The following ACBD4 variants were observed in gnomAD, a reference collection of about 807,000 sequenced individuals.
ACBD4 encodes the protein acyl-CoA binding domain containing 4.
A neutral mutation model predicts 46.0 loss-of-function variants in ACBD4; 41 were observed. That is an observed-to-expected ratio of 0.89 (90% confidence interval 0.69 to 1.16). ACBD4 has a LOEUF of 1.16. ACBD4 is among the 50% of genes most tolerant of loss of function. The probability of loss-of-function intolerance (pLI) is 0.00; values close to 1 mark genes in which losing one functional copy is unlikely to be tolerated. For synonymous variants in ACBD4, 162 were observed against 155.9 expected (o/e 1.04, Z -0.29); for missense variants, 393 against 399.5 (o/e 0.98, Z 0.14).
At position 45,139,084 on chromosome 17, in the gene ACBD4, G is replaced by A. The variant is rs2055090438; in HGVS notation, c.713G>A (p.Arg238Gln). The A allele has an allele frequency of 1.2e-5, 19 of 1,613,754 alleles. No homozygotes were observed. Among genetic ancestry groups the A allele is most frequent in the East Asian group, 4.5e-5 (2 of 44,894 alleles). ...ELDVWLLGTV[R>Q]ALQESMQEVQ... ...GACGTGTGGCTGCTGGGGACAGTTC[G>A]AGCACTACAGGAGAGCATGCAGGAG... Residue 238 changes from arginine to glutamine, a missense_variant, in exon 9 of 10, where the codon CGA becomes CAA. Arg to Gln is a conservative substitution (Grantham distance 43, BLOSUM62 1). Around this residue, in one of 3 missense-constraint regions of ACBD4, gnomAD observed 308 missense variants for 301.8 expected, o/e 1.02. Transcript: ENST00000321854.
upstream of ACBD4, among the ~76,000 whole-genome samples, chr17:45,131,827 C>G (rs1035515500): frequency 2.6e-5 from 4 of 152,332 alleles, no homozygotes; most frequent in Admixed American, 1.3e-4. Flanking sequence ...GGAGGCCAGC[C>G]TCTTCTGCGG....
In ACBD4 at chr17:45,143,488, C is replaced by T. The variant is rs746208425; in HGVS notation, c.835C>T (p.Pro279Ser). ...PSARPWPLGL[P>S]GPALLFFLLW... ...TGCTCGGCCATGGCCCCTTGGGCTC[C>T]CGGGGCCCGCGCTGCTCTTCTTCCT... The change falls in exon 10 of 10, where the codon CCG (proline) becomes TCG (serine). Residue 279 changes from proline to serine, a missense_variant. Physicochemically the swap from Pro to Ser is moderately conservative, Grantham distance 74. Transcript: ENST00000321854. The T allele has an allele frequency of 1.1e-5, 18 of 1,613,510 alleles. No homozygotes were observed. The highest frequency in any genetic ancestry group is 8.5e-7 in the Non-Finnish European group (1 of 1,179,962).
chr17:45,136,219 C>G lies in ACBD4; in HGVS notation c.75C>G (p.Asn25Lys). Reference protein sequence around the residue: ...QFQAAVSVIQNLPKNGSYRPS... With the variant: ...QFQAAVSVIQKLPKNGSYRPS... Reference sequence around the variant, plus strand: ...AGGCTGCAGTGAGCGTCATCCAGAACCTGCCCAAGAACGGTGAGGCTGCGG... The same window carrying G: ...AGGCTGCAGTGAGCGTCATCCAGAAGCTGCCCAAGAACGGTGAGGCTGCGG... Residue 25 changes from asparagine (N) to lysine (K), a missense_variant, in exon 2 of 10, where the codon AAC becomes AAG. Asn to Lys is a moderately conservative substitution (Grantham distance 94, BLOSUM62 0). Coordinates refer to ENST00000321854, the MANE Select transcript of ACBD4 (RefSeq NM_001135705.3). 6.2e-7 allele frequency: 1 copy of G among 1,613,532 alleles called. No individual in the cohort carries two copies. Among genetic ancestry groups the G allele is most frequent in the Non-Finnish European group, 8.5e-7 (1 of 1,179,750 alleles).
At chr17:45,133,926 C>G (rs956467584), upstream of ACBD4, among the ~76,000 whole-genome samples, 1 of 152,132 alleles carries the variant, frequency 6.6e-6, no homozygotes, top group Non-Finnish European at 1.5e-5. Flanking sequence ...CTGGTTTACC[C>G]TTTTGTTATT....
chr17:45,131,801 C>G (rs11652386), upstream of ACBD4, among the ~76,000 whole-genome samples: 132,522 of 152,242 alleles, frequency 0.87, 57,837 homozygotes, highest in East Asian at 0.96. Context: ...GGGGCCGCGG[C>G]TTGGAGGGCT....
rs1598067602 is a variant in ACBD4, at chr17:45,136,068, G to A, written c.-37-40G>A. ...AATCCTTGGCTTATGGTGCCGGGGG[G>A]ACCCTGGAGGCCCCCTCACACGAAG... is the stretch of plus-strand genomic sequence containing the variant. On this transcript the variant is annotated intron_variant, in intron 1 of 9. Transcript: ENST00000321854. The A allele has an allele frequency of 4.7e-5, 70 of 1,474,038 alleles. No individual in the cohort carries two copies. In the South Asian group the frequency reaches 5.2e-4, roughly 11 times the overall value. The allele number at this position is 1,474,038 out of a possible 1,614,324, so 91.3% of individuals were successfully genotyped here.
At chr17:45,137,289 C>G in intron 5 of ACBD4, 79 bp from the exon 6 acceptor site, 1 of 1,600,466 alleles carries the variant, frequency 6.2e-7, no homozygotes. Flanking sequence ...ATCCACGGCT[C>G]ATCACGAGTA....
upstream of ACBD4, among the ~76,000 whole-genome samples, chr17:45,134,752 G>A (rs1409912754): frequency 2.6e-5 from 4 of 151,852 alleles, no homozygotes; most frequent in African/African-American, 4.8e-5. Context: ...ACTCCAGCCC[G>A]GGAGAGAGTG....
chr17:45,139,118 G>A lies in ACBD4; in HGVS notation c.747G>A (p.Ala249=), dbSNP rs752582690. 12 of 1,613,722 alleles carry A rather than the reference G, an allele frequency of 7.4e-6. No individual in the cohort carries two copies. Among genetic ancestry groups the A allele is most frequent in the South Asian group, 5.5e-5 (5 of 91,092 alleles). The change falls in exon 9 of 10, where the codon GCG becomes GCA. Residue 249 remains alanine, a synonymous_variant. Transcript: ENST00000321854. ...AGGAGAGCATGCAGGAGGTGCAGGC[G>A]AGGGTGCAGAGCCTGGAGAGCATGC... is the stretch of plus-strand genomic sequence containing the variant. ...ALQESMQEVQ[A]RVQSLESMPR... is the part of the protein sequence containing the mutation.
rs1263271166 is a variant in ACBD4 at position 45,136,542 on chromosome 17, GT to G, written c.133del (p.Tyr45ThrfsTer35). On this transcript the variant is annotated frameshift_variant, in exon 3 of 10. Transcript: ENST00000321854. LOFTEE classifies it high-confidence loss of function. ...TATGAAGAGATGCTGCGATTCTACA[GT>G]TACTACAAGCAGGCCACCATGGGGC... ...PSYEEMLRFY[S>X]YYKQATMGPC... 1 of 1,613,880 alleles carries G rather than the reference GT, an allele frequency of 6.2e-7. No individual in the cohort carries two copies. The highest frequency in any genetic ancestry group is 1.1e-5 in the South Asian group (1 of 91,088).
At chr17:45,140,110 G>A (rs551158951) in intron 9 of ACBD4, among the ~76,000 whole-genome samples, 4 of 151,898 alleles carry the variant, frequency 2.6e-5, no homozygotes, top group Admixed American at 1.3e-4. Flanking sequence ...TCAGATCCAC[G>A]ATGGCTAACT....
intron 2 of ACBD4, 73 bp downstream of exon 2, chr17:45,136,305 C>A: frequency 6.3e-7 from 1 of 1,583,922 alleles, no homozygotes. Context: ...AAAGAATGGT[C>A]CTGATCACTG....
Position 45,137,004 on chromosome 17 carries a change from C to T in ACBD4, c.295-15C>T, listed in dbSNP as rs368142218. 6.2e-7 allele frequency: 1 copy of T among 1,614,034 alleles called. No individual in the cohort carries two copies. The highest frequency in any genetic ancestry group is 2.2e-5 in the East Asian group (1 of 44,890). On this transcript the variant is annotated splice_polypyrimidine_tract_variant and intron_variant, in intron 4 of 9. Transcript: ENST00000321854. ...AGGAGGCCACTCCGTCCCCAACAGA[C>T]CCCCTCCCCTACAGGTGATCGACAC...
rs1251437101 is a variant in ACBD4 at position 45,136,722 on chromosome 17, C to T, written c.240C>T (p.Ser80=). Reference sequence around the variant, plus strand: ...CCTGGAACAGTCTGGGCAAGATGAGCAGGGAGGAGGCCATGTCTGCCTACA... The same window carrying T: ...CCTGGAACAGTCTGGGCAAGATGAGTAGGGAGGAGGCCATGTCTGCCTACA... The part of the protein sequence containing the change: ...WDAWNSLGKM[S]REEAMSAYIT... Residue 80 remains serine, a synonymous_variant, in exon 4 of 10, where the codon AGC becomes AGT. Coordinates refer to ENST00000321854, the MANE Select transcript of ACBD4 (RefSeq NM_001135705.3). 1.9e-6 allele frequency: 3 copies of T among 1,613,998 alleles called. No individual in the cohort carries two copies. The highest frequency in any genetic ancestry group is 1.3e-5 in the African/African-American group (1 of 75,054).
chr17:45,137,240 T>C, intron 5 of ACBD4, 101 bp downstream of exon 5: 1 of 1,600,438 alleles, frequency 6.2e-7, no homozygotes, highest in African/African-American at 1.3e-5. Flanking sequence ...ACATCCCTGT[T>C]AGGGCCCCCA....
chr17:45,142,563 T>TC, intron 9 of ACBD4: 1 of 266,962 alleles, frequency 3.7e-6, no homozygotes, highest in Non-Finnish European at 7.5e-6. Context: ...TCTTTTTTTT[T>TC]TTTTTTTTTT....
At chr17:45,131,952 C>T (rs541932686), upstream of ACBD4, among the ~76,000 whole-genome samples, 3 of 152,328 alleles carry the variant, frequency 2.0e-5, no homozygotes, top group East Asian at 5.8e-4. Context: ...CTCCCTCTCC[C>T]GCTCCATTCT....
In ACBD4 at chr17:45,143,814, C is replaced by G. The variant is rs1255648168; in HGVS notation, c.*243C>G. On this transcript the variant is annotated 3_prime_UTR_variant, in exon 10 of 10. Coordinates refer to ENST00000321854, the MANE Select transcript of ACBD4 (RefSeq NM_001135705.3). The stretch of plus-strand genomic sequence containing the variant: ...CCTGGGAGGCTGCAGTTGTGGTACA[C>G]GTCCCCGGTGCTGGGTTGGCCGTGA... 4 of 624,910 alleles carry G rather than the reference C, an allele frequency of 6.4e-6. No homozygotes were observed. Among genetic ancestry groups the G allele is most frequent in the Admixed American group, 3.1e-5 (1 of 32,668 alleles). 38.7% of individuals were successfully genotyped at this position (624,910 alleles called of 1,614,324 possible). A position where few individuals can be genotyped will look rare whatever the true frequency, so the allele number is the denominator to read the frequency against.
intron 5 of ACBD4, 59 bp from the exon 6 acceptor site, chr17:45,137,309 T>A: frequency 6.2e-7 from 1 of 1,607,276 alleles, no homozygotes; most frequent in African/African-American, 1.3e-5. Flanking sequence ...AGGGGCTTGA[T>A]CACACTGGGA....
Sources: allele counts gnomAD v4.1 joint callset (sites outside exome capture counted in the v4.1 genomes callset), GRCh38; gene constraint gnomAD v4.1.1; regional missense constraint gnomAD v4.1.1; transcripts MANE v1.5; gene names NCBI Gene and HGNC (gene_info 2026-07-23, HGNC 2026-07-21).